CBR4: variants seen among roughly 807,000 people sequenced by gnomAD.
The protein encoded by CBR4 is carbonyl reductase 4, also known as 3-oxoacyl-[acyl-carrier-protein] reductase.
Under a neutral mutation model 21.0 loss-of-function variants are expected in CBR4, and 22 were observed. The ratio of observed to expected loss-of-function variants is 1.05; its 90% CI spans 0.75 to 1.50. The LOEUF (loss-of-function observed/expected upper bound fraction) is 1.50, where lower values mean the gene tolerates loss of function less well. Among genes scored for constraint, CBR4 ranks in the 40% most tolerant of loss-of-function variants. The probability of loss-of-function intolerance (pLI) is 0.00; values close to 1 mark genes in which losing one functional copy is unlikely to be tolerated. For missense variants in CBR4, 302 were observed against 286.3 expected, an observed-to-expected ratio of 1.05 and a Z score of -0.40; for synonymous variants, 100 against 104.4, an observed-to-expected ratio of 0.96 and a Z score of 0.26.
At chr4:168,961,458 T>C (rs906788279) in intron 2 of CBR4, among the ~76,000 whole-genome samples, 2 of 152,226 alleles carry the variant, frequency 1.3e-5, no homozygotes, top group Non-Finnish European at 2.9e-5. Context: ...GACAGGTTTC[T>C]GGCTGTCTAC....
intron 2 of CBR4, among the ~76,000 whole-genome samples, chr4:168,929,765 C>T (rs148763609): frequency 6.6e-6 from 1 of 152,140 alleles, no homozygotes; most frequent in African/African-American, 2.4e-5. Context: ...TAAAATAGCA[C>T]CCCTCTCTTT....
chr4:168,998,548 A>T (rs895310083), intron 4 of CBR4, among the ~76,000 whole-genome samples: 1 of 152,176 alleles, frequency 6.6e-6, no homozygotes, highest in African/African-American at 2.4e-5. Flanking sequence ...AATGAATGTT[A>T]ATGGGTTTAG....
At position 169,005,542 on chromosome 4, in the gene CBR4, G is replaced by T. The variant is rs1250353815; in HGVS notation, c.400+1213C>A. On this transcript the variant is annotated intron_variant, in intron 3 of 4. Transcript: ENST00000306193. ...ATTCTAAAAGTTTTGCATGCATAAGGAGGACTAATGGGTTTTTTAAATACA... is the reference window on the plus strand; with the variant it reads ...ATTCTAAAAGTTTTGCATGCATAAGTAGGACTAATGGGTTTTTTAAATACA... Among the ~76,000 whole-genome samples, 4 of 152,140 alleles carry T rather than the reference G, an allele frequency of 2.6e-5. No individual in the cohort carries two copies. In the East Asian group the frequency reaches 7.7e-4, roughly 29 times the overall value.
chr4:168,896,336 G>A (rs944844017), intron 2 of CBR4, among the ~76,000 whole-genome samples: 3 of 151,904 alleles, frequency 2.0e-5, no homozygotes, highest in Non-Finnish European at 4.4e-5. Flanking sequence ...CTAACACAAA[G>A]CCTATTTAAA....
chr4:168,939,350 G>C (rs887592864), intron 2 of CBR4, among the ~76,000 whole-genome samples: 2 of 152,064 alleles, frequency 1.3e-5, no homozygotes, highest in Non-Finnish European at 2.9e-5. Context: ...CATACTGAAC[G>C]GGAAAAAGCT....
chr4:168,903,956 G>A, intron 2 of CBR4: 1 of 1,509,852 alleles, frequency 6.6e-7, no homozygotes, highest in South Asian at 1.1e-5. Context: ...GTGCTTACAG[G>A]CATTTGATTA....
At chr4:168,920,653 T>C (rs149175231) in intron 2 of CBR4, among the ~76,000 whole-genome samples, 144 of 152,302 alleles carry the variant, frequency 9.5e-4, no homozygotes, top group African/African-American at 3.3e-3. Context: ...TGATCTCTGG[T>C]CCACACAACT....
chr4:168,926,915 A>ATATTAAATCATAAG (rs551149065), intron 2 of CBR4: 400 of 219,336 alleles, frequency 1.8e-3, no homozygotes, highest in African/African-American at 8.4e-3. Context: ...AAATGTTTTT[A>ATATTAAATCATAAG]TATTAAATCA....
At chr4:168,925,426 C>T in intron 2 of CBR4, 1 of 708,398 alleles carries the variant, frequency 1.4e-6, no homozygotes. Context: ...GTTCTTGTTA[C>T]TGTGTTCTGC....
At chr4:169,001,144 C>A (rs965955837) in intron 4 of CBR4, 2 of 151,546 alleles carry the variant, frequency 1.3e-5, no homozygotes, top group Non-Finnish European at 2.9e-5. Context: ...ACCACCACAC[C>A]CAGCTAATTT....
chr4:168,952,653 C>T (rs1273036420), intron 2 of CBR4, among the ~76,000 whole-genome samples: 2 of 152,150 alleles, frequency 1.3e-5, no homozygotes, highest in African/African-American at 4.8e-5. Context: ...GATGTGGCTT[C>T]CTGAGAGCCG....
chr4:168,897,090 C>A (rs1398720278), intron 2 of CBR4, among the ~76,000 whole-genome samples: 3 of 152,178 alleles, frequency 2.0e-5, no homozygotes. Flanking sequence ...CTTGGCTTCC[C>A]AAAGCGCTGG....
intron 2 of CBR4, among the ~76,000 whole-genome samples, chr4:168,932,987 GA>G (rs1763010887): frequency 1.3e-5 from 2 of 151,898 alleles, no homozygotes; most frequent in African/African-American, 4.8e-5. Context: ...GAAAACAAAT[GA>G]AATTATAAAA....
At chr4:169,008,255 T>C (rs1368714898) in intron 1 of CBR4, among the ~76,000 whole-genome samples, 1 of 152,124 alleles carries the variant, frequency 6.6e-6, no homozygotes, top group Non-Finnish European at 1.5e-5. Flanking sequence ...TATTCAAACC[T>C]GACCATCAGG....
chr4:168,918,190 CAAAA>C (rs567095866), intron 2 of CBR4, among the ~76,000 whole-genome samples: 1 of 118,062 alleles, frequency 8.5e-6, no homozygotes. Flanking sequence ...GTCTCCCCCA[CAAAA>C]AAAAAAAAAG....
chr4:168,920,607 G>A (rs112528580), intron 2 of CBR4, among the ~76,000 whole-genome samples: 2,614 of 152,118 alleles, frequency 0.017, 63 homozygotes, highest in African/African-American at 0.044. Flanking sequence ...GACCCTTTGC[G>A]GCACAACATG....
rs775439441 is a variant in CBR4 at position 168,894,603 on chromosome 4, G to A, written n.332C>T. On this transcript the variant is annotated non_coding_transcript_exon_variant, in exon 3 of 4. Coordinates refer to the CBR4 transcript ENST00000509108. ...GAGGTTAACATACGAAGAAAGAATG[G>A]CTCGTCGACTGCTAGGTGCTGACAG... is the stretch of plus-strand genomic sequence containing the variant. 1.5e-5 allele frequency: 24 copies of A among 1,613,162 alleles called. No individual in the cohort carries two copies. The highest frequency in any genetic ancestry group is 2.0e-5 in the Non-Finnish European group (23 of 1,179,442).
chr4:168,940,929 G>A (rs962017383), intron 2 of CBR4, among the ~76,000 whole-genome samples: 7 of 152,124 alleles, frequency 4.6e-5, no homozygotes, highest in African/African-American at 1.7e-4. Flanking sequence ...CCCATTACTG[G>A]GCATATACCC....
chr4:168,895,083 C>T (rs1247313190), intron 2 of CBR4, among the ~76,000 whole-genome samples: 1 of 152,136 alleles, frequency 6.6e-6, no homozygotes, highest in Non-Finnish European at 1.5e-5. Context: ...ACCCCAAGCA[C>T]AGTTAAAAAC....
Sources: allele counts gnomAD v4.1 joint callset (sites outside exome capture counted in the v4.1 genomes callset), GRCh38; gene constraint gnomAD v4.1.1; transcripts MANE v1.5; gene names NCBI Gene and HGNC (gene_info 2026-07-23, HGNC 2026-07-21).